Variants in C11orf65 observed in about 807,000 individuals in gnomAD.
C11orf65 encodes protein MFI.
C11orf65 carries 38 observed loss-of-function variants against 35.3 expected under a neutral mutation model. The ratio of observed to expected loss-of-function variants is 1.08; its 90% CI spans 0.83 to 1.41. The LOEUF is 1.41. C11orf65 is among the 40% of genes most tolerant of loss of function. C11orf65 has a pLI of 0.00. For synonymous variants in C11orf65, 105 were observed against 114.4 expected (o/e 0.92, Z 0.53); for missense variants, 370 against 367.1 (o/e 1.01, Z -0.06).
upstream of C11orf65, among the ~76,000 whole-genome samples, chr11:108,468,995 C>A (rs2093562077): frequency 6.6e-6 from 1 of 151,954 alleles, no homozygotes; most frequent in East Asian, 1.9e-4. Flanking sequence ...CAGGCGCCCT[C>A]CATGATACCC....
chr11:108,360,346 C>T (rs2090574762), intron 2 of C11orf65, among the ~76,000 whole-genome samples: 3 of 151,094 alleles, frequency 2.0e-5, no homozygotes, highest in Admixed American at 6.6e-5. Flanking sequence ...GATGGATTCA[C>T]AGCTGAATTC....
Position 108,405,467 on chromosome 11 carries a change from C to G in C11orf65, c.522G>C (p.Lys174Asn). 1 of 1,613,190 alleles carries G rather than the reference C, an allele frequency of 6.2e-7. No individual in the cohort carries two copies. Among genetic ancestry groups the G allele is most frequent in the Non-Finnish European group, 8.5e-7 (1 of 1,179,762 alleles). Residue 174 changes from lysine (K) to asparagine (N), a missense_variant, in exon 6 of 9, where the codon AAG becomes AAC. Lys to Asn is a moderately conservative substitution (Grantham distance 94). Coordinates refer to ENST00000393084, the MANE Select transcript of C11orf65 (RefSeq NM_152587.5). ...SKLKRRQDLE[K>N]KRKLRKIEWM... ...ACTCTATTTTTCTAAGTTTTCTTTTCTTTTCCAAATCTTGCCTTCTCTTCA... is the reference window on the plus strand; with the variant it reads ...ACTCTATTTTTCTAAGTTTTCTTTTGTTTTCCAAATCTTGCCTTCTCTTCA...
At chr11:108,319,405 TG>T (rs1198130101) in intron 6 of C11orf65, among the ~76,000 whole-genome samples, 2 of 152,202 alleles carry the variant, frequency 1.3e-5, no homozygotes, top group African/African-American at 4.8e-5. Context: ...GGGCCTTAGA[TG>T]TATCTTCTCC....
chr11:108,339,562 A>C (rs1705238162), intron 2 of C11orf65, among the ~76,000 whole-genome samples: 1 of 152,124 alleles, frequency 6.6e-6, no homozygotes, highest in African/African-American at 2.4e-5. Context: ...TACCCAGTTG[A>C]AATCTTCCAG....
At chr11:108,394,826 C>G (rs376014065) in intron 6 of C11orf65, among the ~76,000 whole-genome samples, 2 of 152,170 alleles carry the variant, frequency 1.3e-5, no homozygotes. Flanking sequence ...CCTCACTGAC[C>G]TCTTCCTTAA....
intron 8 of C11orf65, among the ~76,000 whole-genome samples, chr11:108,385,681 CAA>C (rs11286338): frequency 4.2e-4 from 61 of 143,986 alleles, no homozygotes; most frequent in Non-Finnish European, 4.0e-4. Flanking sequence ...GACTCCGTCT[CAA>C]AAAAAAAAAA....
At chr11:108,388,975 A>G (rs1182830513) in intron 7 of C11orf65, among the ~76,000 whole-genome samples, 1 of 152,280 alleles carries the variant, frequency 6.6e-6, no homozygotes, top group Non-Finnish European at 1.5e-5. Flanking sequence ...GAAGATGGAC[A>G]TGGTTTCATC....
intron 2 of C11orf65, among the ~76,000 whole-genome samples, chr11:108,449,559 G>C (rs2093317406): frequency 6.6e-6 from 1 of 151,982 alleles, no homozygotes; most frequent in Non-Finnish European, 1.5e-5. Context: ...TTAATAAATG[G>C]TGCTGGGAAA....
At chr11:108,427,721 C>CAAAAAAAA (rs1176005299) in intron 3 of C11orf65, among the ~76,000 whole-genome samples, 1 of 40,740 alleles carries the variant, frequency 2.5e-5, no homozygotes, top group Non-Finnish European at 4.1e-5. Context: ...AACTCCGCCT[C>CAAAAAAAA]AAAAAAAAAA....
At position 108,312,515 on chromosome 11, in the gene C11orf65, C is replaced by G. The variant is rs1218097012; in HGVS notation, c.641-3444G>C. The G allele has an allele frequency of 4.0e-6, 6 of 1,503,536 alleles. No individual in the cohort carries two copies. The highest frequency in any genetic ancestry group is 4.5e-5 in the East Asian group (2 of 44,172). 93.1% of individuals were successfully genotyped at this position (1,503,536 alleles called of 1,614,324 possible). A position where few individuals can be genotyped will look rare whatever the true frequency, so the allele number is the denominator to read the frequency against. ...AGTTTACAGGTAAATATTAGAGGCTCTATTATTTATGACAGTATTTATCTC... is the reference window on the plus strand; with the variant it reads ...AGTTTACAGGTAAATATTAGAGGCTGTATTATTTATGACAGTATTTATCTC... On this transcript the variant is annotated intron_variant, in intron 6 of 6. Transcript: ENST00000525729.
chr11:108,400,950 C>CA (rs1224922728), intron 6 of C11orf65, among the ~76,000 whole-genome samples: 6 of 150,668 alleles, frequency 4.0e-5, no homozygotes, highest in East Asian at 1.9e-4. Flanking sequence ...ACTAAAAATA[C>CA]AAAAAAAAAT....
intron 3 of C11orf65, among the ~76,000 whole-genome samples, chr11:108,417,194 A>T (rs1231017910): frequency 6.6e-6 from 1 of 152,186 alleles, no homozygotes; most frequent in Non-Finnish European, 1.5e-5. Flanking sequence ...TGAATGAAGT[A>T]AATGTTCTGA....
rs762154857 is a variant in C11orf65 at position 108,335,882 on chromosome 11, A to G, written c.227-590T>C. ...CTGAGACAAGATGCTGTCATGCAAC[A>G]GGTCTTCCAGATGTGTAATACATTA... On this transcript the variant is annotated intron_variant, in intron 2 of 3. Transcript: ENST00000524755. 1 of 1,614,084 alleles carries G rather than the reference A, an allele frequency of 6.2e-7. No homozygotes were observed. The highest frequency in any genetic ancestry group is 8.5e-7 in the Non-Finnish European group (1 of 1,179,968).
intron 6 of C11orf65, among the ~76,000 whole-genome samples, chr11:108,397,775 GCATT>G (rs1161668964): frequency 1.3e-5 from 2 of 150,312 alleles, no homozygotes; most frequent in Non-Finnish European, 1.5e-5. Flanking sequence ...TCATAAGAAA[GCATT>G]CATTCATTTA....
At chr11:108,414,001 T>C (rs1027090742) in intron 3 of C11orf65, among the ~76,000 whole-genome samples, 5 of 151,900 alleles carry the variant, frequency 3.3e-5, no homozygotes, top group African/African-American at 4.8e-5. Flanking sequence ...TGTTCTGCCT[T>C]GAGGGACTAG....
intron 2 of C11orf65, among the ~76,000 whole-genome samples, chr11:108,349,218 AG>A (rs2088868881): frequency 6.6e-6 from 1 of 152,252 alleles, no homozygotes; most frequent in Admixed American, 6.5e-5. Flanking sequence ...TATCTGATAC[AG>A]AAAGGTCAGA....
intron 6 of C11orf65, among the ~76,000 whole-genome samples, chr11:108,323,042 A>ATTAT (rs2085347628): frequency 3.9e-5 from 6 of 152,086 alleles, no homozygotes; most frequent in Admixed American, 3.9e-4. Context: ...TTGAATTACT[A>ATTAT]TTATTATTAT....
Position 108,377,247 on chromosome 11 carries a change from C to A in C11orf65, c.226+15961G>T, listed in dbSNP as rs1317199757. ...AAATCCTCAATAAAATACTGGCAAA[C>A]TGAATCCAGCAGCACATCAAAAAGC... On this transcript the variant is annotated intron_variant, in intron 2 of 3. Coordinates refer to the C11orf65 transcript ENST00000524755. Among the ~76,000 whole-genome samples the A allele has an allele frequency of 2.6e-5, 4 of 152,070 alleles. No homozygotes were observed. In the East Asian group the frequency reaches 5.8e-4, roughly 22 times the overall value.
intron 2 of C11orf65, among the ~76,000 whole-genome samples, chr11:108,442,772 T>A (rs2093177940): frequency 1.3e-5 from 2 of 152,104 alleles, no homozygotes; most frequent in South Asian, 2.1e-4. Flanking sequence ...GACAAGCAAA[T>A]GCTGAGAGAT....
Sources: gnomAD v4.1 joint callset for allele counts (sites outside exome capture counted in the v4.1 genomes callset) on GRCh38, gnomAD v4.1.1 for gene constraint, MANE v1.5 for transcripts, NCBI Gene and HGNC (gene_info 2026-07-23, HGNC 2026-07-21) for gene names.